The following SYNPR variants were observed in gnomAD, a reference collection of about 807,000 sequenced individuals.
SYNPR encodes the protein synaptoporin.
In SYNPR, 23 loss-of-function variants were observed where a neutral mutation model predicts 32.9. That is an observed-to-expected ratio of 0.70 (90% CI 0.50 to 0.99). SYNPR has a LOEUF of 0.99. SYNPR is among the 50% of genes least tolerant of loss of function. SYNPR has a pLI of 0.00. For synonymous variants in SYNPR, 146 were observed against 135.9 expected (o/e 1.07, Z -0.52); for missense variants, 318 against 349.3 (o/e 0.91, Z 0.71).
At chr3:63,362,451 C>A (rs1045362317) in intron 2 of SYNPR, among the ~76,000 whole-genome samples, 1 of 151,880 alleles carries the variant, frequency 6.6e-6, no homozygotes, top group Non-Finnish European at 1.5e-5. Flanking sequence ...ATAAATAGTA[C>A]AATAATCTCT....
At chr3:63,230,859 C>G (rs1209427209) in intron 1 of SYNPR, among the ~76,000 whole-genome samples, 1 of 152,132 alleles carries the variant, frequency 6.6e-6, no homozygotes, top group Non-Finnish European at 1.5e-5. Context: ...ACTATTATAA[C>G]TGTAAGTCTG....
chr3:63,495,181 T>C lies in SYNPR; in HGVS notation c.209+14225T>C, dbSNP rs138338631. Among the ~76,000 whole-genome samples, 36 of 152,340 alleles carry C rather than the reference T, an allele frequency of 2.4e-4. No homozygotes were observed. The East Asian group carries it at 5.8e-3, about 25-fold the overall frequency. ...ATTTCTCATTTTTCATTTTGAAAGA[T>C]TCTTTGCCAAACTAGCAGCTGTCAC... On this transcript the variant is annotated intron_variant, in intron 3 of 5. Transcript: ENST00000478300.
chr3:63,457,099 G>C (rs1401418664), intron 2 of SYNPR, among the ~76,000 whole-genome samples: 3 of 151,900 alleles, frequency 2.0e-5, no homozygotes, highest in Non-Finnish European at 4.4e-5. Flanking sequence ...CACCTTCCAA[G>C]CTAAGAATGC....
intron 2 of SYNPR, among the ~76,000 whole-genome samples, chr3:63,346,841 G>A (rs1170141556): frequency 6.6e-6 from 1 of 152,144 alleles, no homozygotes; most frequent in Non-Finnish European, 1.5e-5. Context: ...GATTAATTGA[G>A]GTTATTTCAG....
intron 4 of SYNPR, among the ~76,000 whole-genome samples, chr3:63,571,725 A>G (rs1188355710): frequency 1.3e-5 from 2 of 152,288 alleles, no homozygotes; most frequent in Middle Eastern, 3.4e-3. Context: ...TGATTGATAT[A>G]TAATAATTTG....
At chr3:63,390,780 C>G (rs986642934) in intron 2 of SYNPR, among the ~76,000 whole-genome samples, 5 of 152,200 alleles carry the variant, frequency 3.3e-5, no homozygotes, top group African/African-American at 1.2e-4. Context: ...ATGCTCATCT[C>G]TAACTTCTCT....
chr3:63,414,740 T>A (rs1184924179), intron 2 of SYNPR, among the ~76,000 whole-genome samples: 1 of 152,244 alleles, frequency 6.6e-6, no homozygotes, highest in Non-Finnish European at 1.5e-5. Context: ...ACTGTCTATA[T>A]AAACTGAAGC....
At chr3:63,254,991 C>T (rs1203171936) in intron 2 of SYNPR, among the ~76,000 whole-genome samples, 1 of 152,116 alleles carries the variant, frequency 6.6e-6, no homozygotes, top group Admixed American at 6.5e-5. Context: ...CTTTAGACAC[C>T]TTGATCTTGG....
intron 3 of SYNPR, among the ~76,000 whole-genome samples, chr3:63,527,232 T>G (rs1335609669): frequency 1.3e-5 from 2 of 152,062 alleles, no homozygotes; most frequent in Non-Finnish European, 2.9e-5. Flanking sequence ...AGTGGAAAAT[T>G]TATGTAACAC....
At chr3:63,306,646 T>G (rs1015014225) in intron 2 of SYNPR, among the ~76,000 whole-genome samples, 1 of 152,066 alleles carries the variant, frequency 6.6e-6, no homozygotes, top group Admixed American at 6.6e-5. Context: ...TATGCTTAAT[T>G]ATGACTTCAA....
chr3:63,392,721 T>G (rs1302009828), intron 2 of SYNPR, among the ~76,000 whole-genome samples: 2 of 152,224 alleles, frequency 1.3e-5, no homozygotes, highest in Non-Finnish European at 2.9e-5. Context: ...GAGCTAGGCC[T>G]CCATTTCTTA....
intron 2 of SYNPR, among the ~76,000 whole-genome samples, chr3:63,300,805 C>G (rs2086838108): frequency 6.6e-6 from 1 of 152,052 alleles, no homozygotes; most frequent in Admixed American, 6.6e-5. Flanking sequence ...TAGCTCCTTC[C>G]CCTGCTCTAT....
chr3:63,390,744 C>T (rs963977939), intron 2 of SYNPR, among the ~76,000 whole-genome samples: 15 of 152,170 alleles, frequency 9.9e-5, no homozygotes, highest in South Asian at 2.1e-4. Context: ...TCGGGGCCTT[C>T]CCCCACATTG....
intron 2 of SYNPR, among the ~76,000 whole-genome samples, chr3:63,316,220 T>C (rs1386622593): frequency 1.3e-5 from 2 of 151,918 alleles, no homozygotes; most frequent in Non-Finnish European, 2.9e-5. Context: ...CCTTTCCTGG[T>C]TTGGGTATTA....
chr3:63,594,995 G>A (rs1032681441), intron 4 of SYNPR, among the ~76,000 whole-genome samples: 12 of 152,182 alleles, frequency 7.9e-5, no homozygotes, highest in African/African-American at 2.9e-4. Flanking sequence ...CAGACCCCAA[G>A]TAAGGGATAA....
At chr3:63,222,137 C>T in the SYNPR span, among the ~76,000 whole-genome samples, 18 of 148,472 alleles carry the variant, frequency 1.2e-4, no homozygotes, top group African/African-American at 4.2e-4. Context: ...TTAAGCAACA[C>T]ATTCTTCCTG....
At chr3:63,207,640 A>C in the SYNPR span, among the ~76,000 whole-genome samples, 2 of 152,202 alleles carry the variant, frequency 1.3e-5, no homozygotes, top group Non-Finnish European at 2.9e-5. Context: ...AGGCTCTACA[A>C]GGAACAGAAC....
intron 1 of SYNPR, among the ~76,000 whole-genome samples, chr3:63,239,280 A>G (rs946870487): frequency 1.3e-5 from 1 of 77,416 alleles, no homozygotes; most frequent in Non-Finnish European, 3.0e-5. Flanking sequence ...ACCATTGTCA[A>G]GTGTGTCATG....
At chr3:63,257,740 G>T (rs933506526) in intron 2 of SYNPR, among the ~76,000 whole-genome samples, 6 of 152,176 alleles carry the variant, frequency 3.9e-5, no homozygotes, top group African/African-American at 1.2e-4. Flanking sequence ...AATGTAAATG[G>T]GCTAAATGCT....
Sources: gnomAD v4.1 joint callset for allele counts (sites outside exome capture counted in the v4.1 genomes callset) on GRCh38, gnomAD v4.1.1 for gene constraint, MANE v1.5 for transcripts, NCBI Gene and HGNC (gene_info 2026-07-23, HGNC 2026-07-21) for gene names.